Variants in BCAR1 observed in about 807,000 individuals in gnomAD.
BCAR1 encodes the protein breast cancer anti-estrogen resistance protein 1.
Under a neutral mutation model 67.6 loss-of-function variants are expected in BCAR1, and 30 were observed. The ratio of observed to expected loss-of-function variants is 0.44; its 90% CI spans 0.33 to 0.60. BCAR1 has a LOEUF of 0.60. Ranked by LOEUF, BCAR1 falls within the 20% of genes least tolerant of loss-of-function variation. The probability of loss-of-function intolerance (pLI) is 0.02; values close to 1 mark genes in which losing one functional copy is unlikely to be tolerated. For synonymous variants in BCAR1, 626 were observed against 556.7 expected (o/e 1.12, Z -1.75); for missense variants, 1,313 against 1,222.3 (o/e 1.07, Z -1.11).
intron 1 of BCAR1, chr16:75,266,050 A>G (rs1365608233): frequency 9.8e-7 from 1 of 1,024,124 alleles, no homozygotes; most frequent in Non-Finnish European, 1.2e-6. Context: ...GCGGCCAGGG[A>G]CGCGTTAAAG....
intron 1 of BCAR1, among the ~76,000 whole-genome samples, chr16:75,266,964 G>A (rs1057265991): frequency 2.0e-5 from 3 of 152,238 alleles, no homozygotes; most frequent in Admixed American, 6.5e-5. Context: ...TGTGGGGGGC[G>A]GGCCCTTCTG....
intron 1 of BCAR1, among the ~76,000 whole-genome samples, chr16:75,265,423 G>A (rs975153535): frequency 1.3e-5 from 2 of 152,248 alleles, no homozygotes; most frequent in African/African-American, 4.8e-5. Context: ...GTCCCGGAGG[G>A]GAGTCGCGGG....
intron 1 of BCAR1, chr16:75,251,053 G>A (rs2077665221): frequency 2.2e-6 from 2 of 900,654 alleles, no homozygotes; most frequent in Non-Finnish European, 2.7e-6. Context: ...GAGCCGGTGG[G>A]CAGTCCCCAC....
intron 1 of BCAR1, among the ~76,000 whole-genome samples, chr16:75,258,666 A>G (rs2077832303): frequency 6.6e-6 from 1 of 152,248 alleles, no homozygotes; most frequent in Admixed American, 6.5e-5. Context: ...GCTAAGACTC[A>G]TTATGCAGAA....
chr16:75,248,464 CG>C, intron 1 of BCAR1: 1 of 704,920 alleles, frequency 1.4e-6, no homozygotes, highest in Non-Finnish European at 1.9e-6. Context: ...CATCCGCACC[CG>C]GGACCCACCT....
At chr16:75,263,891 G>A in intron 1 of BCAR1, 1 of 1,030,438 alleles carries the variant, frequency 9.7e-7, no homozygotes, top group Non-Finnish European at 1.2e-6. Context: ...TTCCAAAAAT[G>A]AATTCTCCTC....
chr16:75,229,910 G>T lies in BCAR1; in HGVS notation c.2214C>A (p.Pro738=), dbSNP rs1416729339. 6.2e-7 allele frequency: 1 copy of T among 1,609,620 alleles called. No homozygotes were observed. The highest frequency in any genetic ancestry group is 2.2e-5 in the East Asian group (1 of 44,746). The change falls in exon 7 of 7, where the codon CCC becomes CCA. Residue 738 remains proline (P), a synonymous_variant. Transcript: ENST00000162330. ...AGAAGAGCAGCAGCTGCCGGTCCGA[G>T]GGCCCCAGGCCGCCTGTTCGCCCCG... The part of the protein sequence containing the change: ...LAPGRTGGLG[P]SDRQLLLFYL...
At chr16:75,230,624 C>G (rs962603299) in intron 6 of BCAR1, among the ~76,000 whole-genome samples, 5 of 152,182 alleles carry the variant, frequency 3.3e-5, no homozygotes, top group African/African-American at 1.2e-4. Flanking sequence ...ACTCCCGTGC[C>G]TAGGAGTCAG....
At chr16:75,238,665 G>C (rs1032942524) in intron 2 of BCAR1, 3 of 985,970 alleles carry the variant, frequency 3.0e-6, no homozygotes, top group African/African-American at 1.7e-5. Flanking sequence ...CCGGCTGGGG[G>C]CCTCCGTGGG....
chr16:75,232,361 T>C (rs1304162125), intron 6 of BCAR1, among the ~76,000 whole-genome samples: 1 of 152,150 alleles, frequency 6.6e-6, no homozygotes, highest in African/African-American at 2.4e-5. Context: ...GGTTTTGCCA[T>C]GTTGACCAGG....
At chr16:75,252,133 C>T (rs2151464315), upstream of BCAR1, 4 of 1,460,074 alleles carry the variant, frequency 2.7e-6, no homozygotes, top group Non-Finnish European at 3.7e-6. Context: ...ACCACAGCTC[C>T]GACTGTAGAC....
chr16:75,236,317 T>C (rs1316009837), intron 4 of BCAR1: 2 of 418,870 alleles, frequency 4.8e-6, no homozygotes, highest in Admixed American at 8.4e-5. Flanking sequence ...TTAATTCACA[T>C]AATTGTGTCA....
intron 1 of BCAR1, chr16:75,263,403 G>A (rs2077946209): frequency 1.0e-6 from 1 of 985,334 alleles, no homozygotes; most frequent in African/African-American, 1.7e-5. Context: ...CGAGAGGAAG[G>A]CATGGGAATA....
intron 1 of BCAR1, 119 bp downstream of exon 1, chr16:75,251,351 AC>A: frequency 3.7e-6 from 5 of 1,337,232 alleles, no homozygotes; most frequent in Non-Finnish European, 4.9e-6. Context: ...AGGGCCGCGG[AC>A]CCCGGCCGGC....
rs2077562727 is a variant in BCAR1, at chr16:75,247,769, CA to C, written c.12+3701del. ...CACTGCTGACCAAAACCCTCTCTGC[CA>C]GGCCTGGCTCATATCTGGCCTGCAC... On this transcript the variant is annotated intron_variant, in intron 1 of 6. Transcript: ENST00000162330. 8 of 466,988 alleles carry C rather than the reference CA, an allele frequency of 1.7e-5. No homozygotes were observed. In the South Asian group the frequency reaches 1.8e-4, roughly 11 times the overall value. The allele number at this position is 466,988 out of a possible 1,614,324, so 28.9% of individuals were successfully genotyped here.
intron 1 of BCAR1, chr16:75,243,510 A>G (rs752956225): frequency 1.1e-5 from 6 of 521,800 alleles, no homozygotes; most frequent in African/African-American, 9.6e-5. Context: ...AATCTGACAA[A>G]AAGAACAGCT....
upstream of BCAR1, among the ~76,000 whole-genome samples, chr16:75,254,378 A>G (rs1347694320): frequency 6.6e-6 from 1 of 152,042 alleles, no homozygotes; most frequent in Non-Finnish European, 1.5e-5. Flanking sequence ...TGGGGCCAGC[A>G]CCACCCCCAC....
At chr16:75,263,335 C>T (rs2077944849) in intron 1 of BCAR1, 2 of 985,340 alleles carry the variant, frequency 2.0e-6, no homozygotes, top group African/African-American at 1.7e-5. Flanking sequence ...GTGGGTGGCA[C>T]ATTTCCTTCC....
rs202211009 is a variant in BCAR1 at position 75,242,463 on chromosome 16, G to A, written c.633+7C>T. 1 of 1,451,868 alleles carries A rather than the reference G, an allele frequency of 6.9e-7. No individual in the cohort carries two copies. The highest frequency in any genetic ancestry group is 9.1e-7 in the Non-Finnish European group (1 of 1,103,190). The allele number at this position is 1,451,868 out of a possible 1,614,324, so 89.9% of individuals were successfully genotyped here. ...GTGGCTGCACAACTGTGCCAGGACA[G>A]CCTTACCTTTGCCGGGGGCTTCGTG... On this transcript the variant is annotated splice_region_variant and intron_variant, in intron 2 of 6. Coordinates refer to ENST00000162330, the MANE Select transcript of BCAR1 (RefSeq NM_014567.5).
Sources: gnomAD v4.1 joint callset for allele counts (sites outside exome capture counted in the v4.1 genomes callset) on GRCh38, gnomAD v4.1.1 for gene constraint, MANE v1.5 for transcripts, NCBI Gene and HGNC (gene_info 2026-07-23, HGNC 2026-07-21) for gene names.